Variants in MYOF observed in about 807,000 individuals in gnomAD.
MYOF encodes fer-1-like 3, myoferlin.
Under a neutral mutation model 284.2 loss-of-function variants are expected in MYOF, and 244 were observed. The ratio of observed to expected loss-of-function variants is 0.86; its 90% CI spans 0.77 to 0.95. MYOF has a LOEUF of 0.95. Ranked by LOEUF, MYOF falls within the 40% of genes least tolerant of loss-of-function variation. The pLI is 0.00. For synonymous variants in MYOF, 904 were observed against 919.7 expected, an observed-to-expected ratio of 0.98 and a Z score of 0.31; for missense variants, 2,496 against 2,560.6, an observed-to-expected ratio of 0.97 and a Z score of 0.54.
At chr10:93,439,632 T>C (rs2056184425) in intron 3 of MYOF, among the ~76,000 whole-genome samples, 1 of 152,258 alleles carries the variant, frequency 6.6e-6, no homozygotes, top group Admixed American at 6.5e-5. Flanking sequence ...CGAGCTTCAG[T>C]TTCCTCATCT....
intron 17 of MYOF, 131 bp from the exon 18 acceptor site, chr10:93,389,285 G>T: frequency 1.0e-6 from 1 of 999,154 alleles, no homozygotes; most frequent in Non-Finnish European, 1.4e-6. Flanking sequence ...AATGCAAGTT[G>T]TAAGCACCAT....
At chr10:93,330,275 T>A (rs1428898821) in intron 43 of MYOF, among the ~76,000 whole-genome samples, 1 of 152,174 alleles carries the variant, frequency 6.6e-6, no homozygotes, top group Non-Finnish European at 1.5e-5. Context: ...ATTATATTAT[T>A]AACTTTATCA....
At chr10:93,405,824 GTCTC>G (rs1199461651) in intron 7 of MYOF, among the ~76,000 whole-genome samples, 2 of 136,446 alleles carry the variant, frequency 1.5e-5, no homozygotes, top group African/African-American at 5.4e-5. Context: ...TTTTGACGGA[GTCTC>G]TCTCTGTTGC....
Position 93,386,732 on chromosome 10 carries a change from A to C in MYOF, c.1698+1065T>G, listed in dbSNP as rs569726838. On this transcript the variant is annotated intron_variant, in intron 19 of 53. Transcript: ENST00000359263. ...GGCTGCCTTCTGGGAGTCAATGAGC[A>C]AGGCCACATTGCTCTGGGGAAGAAG... Among the ~76,000 whole-genome samples, 9 of 152,332 alleles carry C rather than the reference A, an allele frequency of 5.9e-5. No homozygotes were observed. The East Asian group carries it at 1.4e-3, about 23-fold the overall frequency.
intron 3 of MYOF, among the ~76,000 whole-genome samples, chr10:93,443,358 C>T (rs908557986): frequency 6.6e-6 from 1 of 152,082 alleles, no homozygotes; most frequent in Non-Finnish European, 1.5e-5. Context: ...AAGCAGTTTC[C>T]TCACTCAGTT....
At position 93,356,675 on chromosome 10, in the gene MYOF, A is replaced by G. The variant is rs1269391557; in HGVS notation, c.3294T>C (p.Leu1098=). The G allele has an allele frequency of 1.2e-6, 2 of 1,612,432 alleles. No individual in the cohort carries two copies. Among genetic ancestry groups the G allele is most frequent in the South Asian group, 1.1e-5 (1 of 90,666 alleles). Residue 1098 remains leucine, a splice_region_variant and synonymous_variant, in exon 30 of 54, where the codon CTT becomes CTC. Coordinates refer to ENST00000359263, the MANE Select transcript of MYOF (RefSeq NM_013451.4). ...TGCGCTCTGGCAACCTAGTACTTAC[A>G]AGGGCACCTTCAAGTTTAAAGATGG... ...AAAIFKLEGA[L]GADTTEDGDE...
chr10:93,460,663 A>C (rs1262228223), intron 1 of MYOF, among the ~76,000 whole-genome samples: 1 of 150,714 alleles, frequency 6.6e-6, no homozygotes, highest in Non-Finnish European at 1.5e-5. Flanking sequence ...GCCACTCGAG[A>C]GGCTGAGGCA....
chr10:93,344,108 C>T (rs1844059863), intron 37 of MYOF, among the ~76,000 whole-genome samples, 176 bp from the exon 38 acceptor site: 2 of 152,164 alleles, frequency 1.3e-5, no homozygotes, highest in Admixed American at 1.3e-4. Flanking sequence ...CAATCCATCA[C>T]GTTTCCCCAA....
chr10:93,311,362 T>C (rs188855852), intron 51 of MYOF, among the ~76,000 whole-genome samples: 178 of 150,688 alleles, frequency 1.2e-3, no homozygotes, highest in African/African-American at 4.2e-3. Context: ...GTAATCCCAG[T>C]GCTTTGGGAG....
intron 3 of MYOF, among the ~76,000 whole-genome samples, chr10:93,451,800 C>T (rs1341401583): frequency 2.6e-5 from 4 of 152,110 alleles, no homozygotes; most frequent in African/African-American, 9.7e-5. Flanking sequence ...CTCTAAGTGC[C>T]AAGTTTGATA....
chr10:93,399,135 A>G (rs867981024), intron 13 of MYOF, among the ~76,000 whole-genome samples: 35 of 152,298 alleles, frequency 2.3e-4, no homozygotes, highest in Middle Eastern at 6.8e-3. Context: ...AATTCCAGAA[A>G]TTCAGTGGTA....
intron 3 of MYOF, among the ~76,000 whole-genome samples, chr10:93,448,067 C>T (rs2056483980): frequency 6.6e-6 from 1 of 152,080 alleles, no homozygotes; most frequent in African/African-American, 2.4e-5. Flanking sequence ...TCTCTGACCT[C>T]ACCTCCTTCC....
rs895612111 is a variant in MYOF at position 93,343,923 on chromosome 10, A to G, written c.4259T>C (p.Leu1420Pro). ...GATGTCCCGGCATGGTGGGGCAGAC[A>G]GAAGGGAGGCTGCAAGACAAATACT... ...DIVPQLKASL[L>P]SAPPCRDIVI... The change falls in exon 38 of 54, where the codon CTG becomes CCG. Residue 1420 changes from leucine to proline, a missense_variant. Around this residue, in one of 3 missense-constraint regions of MYOF, gnomAD observed 2,436 missense variants for 2,480.7 expected, o/e 0.98. Coordinates refer to ENST00000359263, the MANE Select transcript of MYOF (RefSeq NM_013451.4). The G allele has an allele frequency of 1.2e-6, 2 of 1,614,098 alleles. No homozygotes were observed. Among genetic ancestry groups the G allele is most frequent in the Non-Finnish European group, 1.7e-6 (2 of 1,180,028 alleles).
At chr10:93,309,517 A>G (rs538455643) in intron 53 of MYOF, among the ~76,000 whole-genome samples, 1 of 152,294 alleles carries the variant, frequency 6.6e-6, no homozygotes, top group South Asian at 2.1e-4. Flanking sequence ...GTGGACAGAG[A>G]AACAAAATTG....
At chr10:93,315,962 A>C (rs1158648136) in intron 50 of MYOF, among the ~76,000 whole-genome samples, 1 of 131,948 alleles carries the variant, frequency 7.6e-6, no homozygotes, top group Non-Finnish European at 1.8e-5. Flanking sequence ...CTGTACTAAA[A>C]AGTGAAAAAA....
chr10:93,471,283 A>C (rs2134386289), intron 1 of MYOF, among the ~76,000 whole-genome samples: 1 of 151,198 alleles, frequency 6.6e-6, no homozygotes, highest in Non-Finnish European at 1.5e-5. Context: ...GCTCTGTTGC[A>C]AACTCACCCC....
At chr10:93,419,152 CT>C (rs1451788492) in intron 5 of MYOF, among the ~76,000 whole-genome samples, 2 of 152,086 alleles carry the variant, frequency 1.3e-5, no homozygotes, top group Non-Finnish European at 2.9e-5. Flanking sequence ...CCAAAATGCC[CT>C]TCCTTTTTTC....
In MYOF at chr10:93,431,395, A is replaced by C. The variant is rs1242825901; in HGVS notation, c.345+13T>G. On this transcript the variant is annotated intron_variant, in intron 4 of 53. Coordinates refer to ENST00000359263, the MANE Select transcript of MYOF (RefSeq NM_013451.4). The stretch of plus-strand genomic sequence containing the variant: ...TCACTTCAAAGCCATTCAATAAGAG[A>C]GAAAACACTCACCCCAGTATCTTGC... 6.2e-7 allele frequency: 1 copy of C among 1,610,564 alleles called. No individual in the cohort carries two copies. The highest frequency in any genetic ancestry group is 1.7e-5 in the Admixed American group (1 of 59,994).
rs992605838 is a variant in MYOF, at chr10:93,365,331, T to C, written c.2753+1061A>G. Among the ~76,000 whole-genome samples, 9 of 152,344 alleles carry C rather than the reference T, an allele frequency of 5.9e-5. No homozygotes were observed. The East Asian group carries it at 1.5e-3, about 26-fold the overall frequency. ...CAAGAAGAGGGAATGCTGGTTCTAA[T>C]GTTACTGGCAACATTTAGCAAACAG... On this transcript the variant is annotated intron_variant, in intron 26 of 53. Coordinates refer to ENST00000359263, the MANE Select transcript of MYOF (RefSeq NM_013451.4).
Sources: gnomAD v4.1 joint callset for allele counts (sites outside exome capture counted in the v4.1 genomes callset) on GRCh38, gnomAD v4.1.1 for gene constraint, gnomAD v4.1.1 regional missense constraint, MANE v1.5 for transcripts, NCBI Gene and HGNC (gene_info 2026-07-23, HGNC 2026-07-21) for gene names.